NNT: variants seen among roughly 807,000 people sequenced by gnomAD.
The protein encoded by NNT is nicotinamide nucleotide transhydrogenase, also known as NAD(P) transhydrogenase, mitochondrial.
A neutral mutation model predicts 104.8 loss-of-function variants in NNT; 50 were observed. The ratio of observed to expected loss-of-function variants is 0.48; its 90% CI spans 0.38 to 0.60. NNT has a LOEUF of 0.60. Ranked by LOEUF, NNT falls within the 20% of genes least tolerant of loss-of-function variation. The pLI is 0.00. For missense variants in NNT, 1,131 were observed against 1,330.7 expected (o/e 0.85, Z 2.33); for synonymous variants, 461 against 490.4 (o/e 0.94, Z 0.79).
At chr5:43,686,359 G>A (rs1472658608) in intron 19 of NNT, among the ~76,000 whole-genome samples, 2 of 151,662 alleles carry the variant, frequency 1.3e-5, no homozygotes, top group African/African-American at 4.8e-5. Flanking sequence ...GGTTAAAAAT[G>A]GCCTTTTGAA....
At chr5:43,632,387 G>T (rs1750718836) in intron 7 of NNT, among the ~76,000 whole-genome samples, 1 of 152,190 alleles carries the variant, frequency 6.6e-6, no homozygotes, top group Middle Eastern at 3.2e-3. Flanking sequence ...GCAGACACAG[G>T]TAAGTAACTA....
chr5:43,657,791 AT>A (rs1319323812), intron 16 of NNT, among the ~76,000 whole-genome samples: 6 of 152,182 alleles, frequency 3.9e-5, no homozygotes, highest in Non-Finnish European at 5.9e-5. Context: ...TAATTTTGAT[AT>A]TTTTAATCTA....
intron 17 of NNT, 97 bp from the exon 18 acceptor site, chr5:43,675,414 T>A: frequency 8.9e-7 from 1 of 1,128,728 alleles, no homozygotes; most frequent in South Asian, 2.1e-5. Context: ...CAAATAAACC[T>A]TTTAAAATGA....
At chr5:43,612,874 AAT>A (rs780604778) in intron 2 of NNT, 32 bp from the exon 3 acceptor site, 54 of 1,412,160 alleles carry the variant, frequency 3.8e-5, no homozygotes, top group South Asian at 6.1e-5. Flanking sequence ...TTTTTTACCA[AAT>A]ATATATTTTT....
intron 20 of NNT, among the ~76,000 whole-genome samples, 170 bp from the exon 21 acceptor site, chr5:43,702,451 C>T (rs1236686867): frequency 2.6e-5 from 4 of 152,108 alleles, no homozygotes; most frequent in East Asian, 1.9e-4. Flanking sequence ...TGAAATTGGC[C>T]GAGTTGCTTA....
At chr5:43,692,438 C>T (rs1347652684) in intron 19 of NNT, among the ~76,000 whole-genome samples, 2 of 152,224 alleles carry the variant, frequency 1.3e-5, no homozygotes, top group East Asian at 3.9e-4. Context: ...ATTATCTTGT[C>T]TCAGCTTCCC....
rs555129589 is a variant in NNT, at chr5:43,629,384, C to T, written c.964+997C>T. On this transcript the variant is annotated intron_variant, in intron 7 of 21. Coordinates refer to ENST00000344920, the MANE Select transcript of NNT (RefSeq NM_182977.3). ...ATGTTTATCTACTCGTTGGTTGATG[C>T]GCATTTAGGCTGGTTTCATATTTTT... Among the ~76,000 whole-genome samples the T allele has an allele frequency of 4.5e-4, 69 of 152,204 alleles. 1 individual carries two copies. Among genetic ancestry groups the T allele is most frequent in the Admixed American group, 5.2e-4 (8 of 15,288 alleles).
intron 7 of NNT, among the ~76,000 whole-genome samples, chr5:43,639,831 G>A (rs1344121156): frequency 6.6e-6 from 1 of 152,096 alleles, no homozygotes; most frequent in Non-Finnish European, 1.5e-5. Flanking sequence ...TGGATATCAT[G>A]CCAAATCCTT....
chr5:43,671,704 G>A (rs1260455252), intron 17 of NNT, among the ~76,000 whole-genome samples: 1 of 152,094 alleles, frequency 6.6e-6, no homozygotes, highest in African/African-American at 2.4e-5. Context: ...TTTCTTTCTG[G>A]CTGCCCTTAA....
intron 19 of NNT, among the ~76,000 whole-genome samples, chr5:43,698,876 A>G (rs952884902): frequency 6.7e-6 from 1 of 149,410 alleles, no homozygotes; most frequent in African/African-American, 2.5e-5. Context: ...ATATATGTAG[A>G]CTATATATAT....
At chr5:43,656,156 A>G in intron 15 of NNT, 83 bp downstream of exon 15, 1 of 1,218,746 alleles carries the variant, frequency 8.2e-7, no homozygotes. Context: ...AAAATACATT[A>G]ACAGGGCTGG....
chr5:43,668,099 C>G (rs1740816370), intron 17 of NNT, among the ~76,000 whole-genome samples: 1 of 152,168 alleles, frequency 6.6e-6, no homozygotes, highest in Non-Finnish European at 1.5e-5. Context: ...ATCCTTTGCC[C>G]ACTTGTTGAT....
rs895674209 is a variant in NNT at position 43,651,993 on chromosome 5, C to G, written c.1863+109C>G. 3.5e-6 allele frequency: 4 copies of G among 1,140,468 alleles called. No individual in the cohort carries two copies. In the African/African-American group the frequency reaches 6.2e-5, roughly 18 times the overall value. 70.6% of individuals were successfully genotyped at this position (1,140,468 alleles called of 1,614,324 possible). On this transcript the variant is annotated intron_variant, in intron 13 of 21. Coordinates refer to ENST00000344920, the MANE Select transcript of NNT (RefSeq NM_182977.3). ...AAGTATCGAGCAAATACAACTCTGT[C>G]AAGCAAATACAACAATAACCCTAGA...
chr5:43,637,355 C>G lies in NNT; in HGVS notation c.965-6837C>G, dbSNP rs76906368. On this transcript the variant is annotated intron_variant, in intron 7 of 21. Transcript: ENST00000344920. ...ATGCATACATATATGTATAAAAACC[C>G]TTTTGTTATCATTGGTAACATTTTA... is the stretch of plus-strand genomic sequence containing the variant. Among the ~76,000 whole-genome samples the G allele has an allele frequency of 3.6e-3, 545 of 152,208 alleles. 2 individuals are homozygous for G. The highest frequency in any genetic ancestry group is 0.013 in the African/African-American group (534 of 41,530).
rs150026179 is a variant in NNT, at chr5:43,634,055, C to T, written c.964+5668C>T. Among the ~76,000 whole-genome samples, 580 of 152,286 alleles carry T rather than the reference C, an allele frequency of 3.8e-3. 8 individuals are homozygous for T. The highest frequency in any genetic ancestry group is 0.013 in the African/African-American group (552 of 41,546). ...TACCTTATGCCATATGTACTTGTGT[C>T]TCTTTTTAGGCACAATCCAGATTAG... On this transcript the variant is annotated intron_variant, in intron 7 of 21. Coordinates refer to ENST00000344920, the MANE Select transcript of NNT (RefSeq NM_182977.3).
At chr5:43,702,986 C>G (rs1378728153) in intron 21 of NNT, among the ~76,000 whole-genome samples, 1 of 152,106 alleles carries the variant, frequency 6.6e-6, no homozygotes, top group Non-Finnish European at 1.5e-5. Flanking sequence ...CAATCTGTAA[C>G]CACAGCTGAA....
At chr5:43,605,226 G>A (rs531180449) in intron 1 of NNT, among the ~76,000 whole-genome samples, 2 of 152,280 alleles carry the variant, frequency 1.3e-5, no homozygotes, top group South Asian at 2.1e-4. Context: ...TTAAAAAGTT[G>A]TGCTTTTGGG....
At chr5:43,639,698 G>C (rs1263304295) in intron 7 of NNT, among the ~76,000 whole-genome samples, 7 of 152,076 alleles carry the variant, frequency 4.6e-5, no homozygotes, top group Admixed American at 4.6e-4. Flanking sequence ...GTGAGAGCTT[G>C]ATGTCCTACA....
intron 6 of NNT, among the ~76,000 whole-genome samples, chr5:43,627,268 C>T (rs1446557637): frequency 6.6e-6 from 1 of 152,182 alleles, no homozygotes; most frequent in Non-Finnish European, 1.5e-5. Flanking sequence ...GACTGTATGT[C>T]CTACCCTTTA....
Sources: gnomAD v4.1 joint callset for allele counts (sites outside exome capture counted in the v4.1 genomes callset) on GRCh38, gnomAD v4.1.1 for gene constraint, MANE v1.5 for transcripts, NCBI Gene and HGNC (gene_info 2026-07-23, HGNC 2026-07-21) for gene names.